MFN1: variants seen among roughly 807,000 people sequenced by gnomAD.
MFN1 encodes the protein mitofusin-1.
Under a neutral mutation model 92.4 loss-of-function variants are expected in MFN1, and 65 were observed. The observed-to-expected ratio is 0.70, with a 90% CI of 0.58 to 0.86. The LOEUF is 0.86. Ranked by LOEUF, MFN1 falls within the 40% of genes least tolerant of loss-of-function variation. MFN1 has a pLI of 0.00. For missense variants in MFN1, 781 were observed against 868.0 expected (o/e 0.90, Z 1.26); for synonymous variants, 297 against 300.9 (o/e 0.99, Z 0.13).
At chr3:179,369,405 T>G (rs1214100473) in intron 9 of MFN1, among the ~76,000 whole-genome samples, 1 of 152,226 alleles carries the variant, frequency 6.6e-6, no homozygotes, top group African/African-American at 2.4e-5. Flanking sequence ...TCTACTTCCT[T>G]GTCTTTATTT....
intron 10 of MFN1, 30 bp downstream of exon 10, chr3:179,375,371 A>G (rs1713200058): frequency 1.2e-6 from 2 of 1,605,998 alleles, no homozygotes; most frequent in African/African-American, 1.3e-5. Context: ...CAACATAAAA[A>G]TGTTAGTTTT....
intron 10 of MFN1, among the ~76,000 whole-genome samples, chr3:179,375,575 A>G (rs1713208509): frequency 1.3e-5 from 2 of 152,208 alleles, no homozygotes. Flanking sequence ...CTGTGTATGA[A>G]TTGTGATTTT....
chr3:179,360,549 CAA>C lies in MFN1; in HGVS notation c.411+1561_411+1562del, dbSNP rs5854830. 4.6e-3 allele frequency among the ~76,000 whole-genome samples: 653 copies of C among 143,336 alleles called. 3 individuals carry two copies. Among genetic ancestry groups the C allele is most frequent in the African/African-American group, 0.011 (451 of 39,848 alleles). 94.0% of individuals were successfully genotyped at this position (143,336 alleles called of 152,430 possible). ...CTCAATTCAGTGCCACTCCTTCAGC[CAA>C]AAAAAAAAAAAAATAAAAGGAAAAA... On this transcript the variant is annotated intron_variant, in intron 4 of 17. Coordinates refer to ENST00000471841, the MANE Select transcript of MFN1 (RefSeq NM_033540.3).
chr3:179,381,321 C>T lies in MFN1; in HGVS notation c.1662+2507C>T, dbSNP rs143764002. 3.4e-3 allele frequency among the ~76,000 whole-genome samples: 522 copies of T among 152,284 alleles called. 4 individuals are homozygous for T. Among genetic ancestry groups the T allele is most frequent in the South Asian group, 0.029 (139 of 4,828 alleles). On this transcript the variant is annotated intron_variant, in intron 14 of 17. Transcript: ENST00000471841. ...CATTCAGCACAATGTCTTATTATGCCGAGAGGACCCACTTCTTGGTCCCTC... is the reference window on the plus strand; with the variant it reads ...CATTCAGCACAATGTCTTATTATGCTGAGAGGACCCACTTCTTGGTCCCTC...
intron 3 of MFN1, 40 bp from the exon 4 acceptor site, chr3:179,358,799 AC>A (rs767956024): frequency 9.6e-6 from 15 of 1,559,644 alleles, no homozygotes; most frequent in Non-Finnish European, 1.2e-5. Flanking sequence ...TACTTTTTTT[AC>A]TGTTATGTTT....
rs773111866 is a variant in MFN1, at chr3:179,376,941, G to C, written c.1098-101G>C. 3.3e-5 allele frequency: 37 copies of C among 1,115,530 alleles called. 1 individual carries two copies. The highest frequency in any genetic ancestry group is 4.7e-5 in the South Asian group (2 of 42,486). The allele number at this position is 1,115,530 out of a possible 1,614,324, so 69.1% of individuals were successfully genotyped here. On this transcript the variant is annotated intron_variant, in intron 10 of 17. Coordinates refer to ENST00000471841, the MANE Select transcript of MFN1 (RefSeq NM_033540.3). ...TGTTACAAGTTTTTTTTTTCCTTGA[G>C]TCATGCTAATAGATGGTTCAATACA... is the stretch of plus-strand genomic sequence containing the variant.
At chr3:179,366,533 C>G (rs1207695864) in intron 7 of MFN1, among the ~76,000 whole-genome samples, 1 of 152,058 alleles carries the variant, frequency 6.6e-6, no homozygotes, top group African/African-American at 2.4e-5. Flanking sequence ...ATGTAGAGGA[C>G]AAGATAAAAA....
intron 9 of MFN1, among the ~76,000 whole-genome samples, chr3:179,368,922 A>C (rs1165528653): frequency 6.6e-6 from 1 of 152,218 alleles, no homozygotes; most frequent in Non-Finnish European, 1.5e-5. Context: ...AGGGGACATG[A>C]ATGTTGAGTA....
In MFN1 at chr3:179,368,036, G is replaced by T; in HGVS notation, c.908G>T (p.Gly303Val). 1 of 1,562,146 alleles carries T rather than the reference G, an allele frequency of 6.4e-7. No individual in the cohort carries two copies. The highest frequency in any genetic ancestry group is 8.7e-7 in the Non-Finnish European group (1 of 1,152,042). The change falls in exon 9 of 18, where the codon GGT becomes GTT. Residue 303 changes from glycine to valine, a missense_variant and splice_region_variant. Transcript: ENST00000471841. ...TTAAATCTTTGCCTGTACGTTACAGGTGTGGCACTTGCTGAAGGATTTCAT... is the reference window on the plus strand; with the variant it reads ...TTAAATCTTTGCCTGTACGTTACAGTTGTGGCACTTGCTGAAGGATTTCAT... ...KQKAQGMPES[G>V]VALAEGFHAR...
chr3:179,364,417 TC>T lies in MFN1; in HGVS notation c.645+13del. 5 of 1,559,204 alleles carry T rather than the reference TC, an allele frequency of 3.2e-6. No individual in the cohort carries two copies. Among genetic ancestry groups the T allele is most frequent in the Non-Finnish European group, 4.4e-6 (5 of 1,131,116 alleles). ...CACTAATGAATACGGTAGGATTTAA[TC>T]ATATTATTGTGTTTCGATGGTAGGA... On this transcript the variant is annotated intron_variant, in intron 6 of 17. Coordinates refer to ENST00000471841, the MANE Select transcript of MFN1 (RefSeq NM_033540.3).
chr3:179,358,939 A>C lies in MFN1; in HGVS notation c.348A>C (p.Glu116Asp). 6.2e-7 allele frequency: 1 copy of C among 1,614,084 alleles called. No homozygotes were observed. Among genetic ancestry groups the C allele is most frequent in the Non-Finnish European group, 8.5e-7 (1 of 1,179,984 alleles). ...GHITNCFLSV[E>D]GTDGDKAYLM... ...TAACCAATTGCTTCCTAAGTGTTGA[A>C]GGAACTGATGGAGATAAAGCCTATC... The change falls in exon 4 of 18, where the codon GAA becomes GAC. Residue 116 changes from glutamate to aspartate, a missense_variant. Transcript: ENST00000471841.
At chr3:179,386,754 C>T (rs1418141784) in intron 16 of MFN1, 125 bp downstream of exon 16, 1 of 868,338 alleles carries the variant, frequency 1.2e-6, no homozygotes, top group Non-Finnish European at 1.8e-6. Context: ...TTCGTGATGG[C>T]CATAAATGAG....
At chr3:179,368,231 A>T in intron 9 of MFN1, 128 bp downstream of exon 9, 1 of 516,198 alleles carries the variant, frequency 1.9e-6, no homozygotes, top group Non-Finnish European at 2.9e-6. Context: ...TTACTGACAC[A>T]GCCAGTAAAA....
intron 16 of MFN1, 22 bp downstream of exon 16, chr3:179,386,651 T>C: frequency 6.4e-7 from 1 of 1,573,086 alleles, no homozygotes; most frequent in South Asian, 1.2e-5. Context: ...GGTGCATCTT[T>C]CCTTTAAAAA....
intron 2 of MFN1, 135 bp downstream of exon 2, chr3:179,349,098 C>A: frequency 1.7e-6 from 1 of 591,078 alleles, no homozygotes; most frequent in Non-Finnish European, 2.7e-6. Flanking sequence ...ATGAATAAAA[C>A]CCCTTTCTAA....
chr3:179,375,537 C>T (rs1244667644), intron 10 of MFN1, among the ~76,000 whole-genome samples, 196 bp downstream of exon 10: 1 of 152,182 alleles, frequency 6.6e-6, no homozygotes, highest in Non-Finnish European at 1.5e-5. Flanking sequence ...TTGCACACAT[C>T]ATTTATATCC....
intron 14 of MFN1, among the ~76,000 whole-genome samples, chr3:179,383,973 G>A (rs1209987845): frequency 6.6e-6 from 1 of 152,132 alleles, no homozygotes; most frequent in Non-Finnish European, 1.5e-5. Context: ...TTACTCATTT[G>A]TAGTCAATTA....
chr3:179,388,831 A>C (rs1039111525), intron 16 of MFN1, among the ~76,000 whole-genome samples: 1 of 152,250 alleles, frequency 6.6e-6, no homozygotes, highest in Non-Finnish European at 1.5e-5. Flanking sequence ...ATTCAAAGAC[A>C]TGAAGAGAAA....
chr3:179,375,372 T>G, intron 10 of MFN1, 31 bp downstream of exon 10: 1 of 1,605,548 alleles, frequency 6.2e-7, no homozygotes, highest in Admixed American at 1.7e-5. Context: ...AACATAAAAA[T>G]GTTAGTTTTT....
Sources: gnomAD v4.1 joint callset for allele counts (sites outside exome capture counted in the v4.1 genomes callset) on GRCh38, gnomAD v4.1.1 for gene constraint, MANE v1.5 for transcripts, NCBI Gene and HGNC (gene_info 2026-07-23, HGNC 2026-07-21) for gene names.